The following RGS4 variants were observed in gnomAD, a reference collection of about 807,000 sequenced individuals.
The protein encoded by RGS4 is schizophrenia disorder 9.
A neutral mutation model predicts 21.6 loss-of-function variants in RGS4; 15 were observed. That is an observed-to-expected ratio of 0.69 (90% CI 0.46 to 1.07). RGS4 has a LOEUF of 1.07. RGS4 is among the 50% of genes least tolerant of loss of function. RGS4 has a pLI of 0.00. For synonymous variants in RGS4, 94 were observed against 85.5 expected, an observed-to-expected ratio of 1.10 and a Z score of -0.55; for missense variants, 237 against 239.0, an observed-to-expected ratio of 0.99 and a Z score of 0.06.
At chr1:163,069,357 C>A (rs1466419848), upstream of RGS4, 2 of 1,558,592 alleles carry the variant, frequency 1.3e-6, no homozygotes, top group Admixed American at 1.9e-5. Context: ...ACAGGCTTAG[C>A]AGGAAGACGC....
rs942224333 is a variant in RGS4 at position 163,075,747 on chromosome 1, A to G, written c.*1187A>G. 6.6e-5 allele frequency: 10 copies of G among 152,042 alleles called. No homozygotes were observed. The highest frequency in any genetic ancestry group is 2.4e-4 in the African/African-American group (10 of 41,400). 9.4% of individuals were successfully genotyped at this position (152,042 alleles called of 1,614,324 possible). A position where few individuals can be genotyped will look rare whatever the true frequency, so the allele number is the denominator to read the frequency against. ...TGTGGTTGGTTGTTTTTTCTTTATA[A>G]TGGCTCTGGGCTATATGCCTATATT... On this transcript the variant is annotated 3_prime_UTR_variant, in exon 5 of 5. Coordinates refer to ENST00000367909, the MANE Select transcript of RGS4 (RefSeq NM_005613.6).
At position 163,074,478 on chromosome 1, in the gene RGS4, A is replaced by G. The variant is rs199931864; in HGVS notation, c.536A>G (p.Asn179Ser). The G allele has an allele frequency of 5.6e-6, 9 of 1,613,850 alleles. No homozygotes were observed. The Admixed American group carries it at 6.7e-5, about 12-fold the overall frequency. The stretch of plus-strand genomic sequence containing the variant: ...TCTCGATTCTATCTTGATTTGGTCA[A>G]CCCGTCCAGCTGTGGGGCAGAAAAG... Reference protein sequence around the residue: ...LKSRFYLDLVNPSSCGAEKQK... With the variant: ...LKSRFYLDLVSPSSCGAEKQK... The change falls in exon 5 of 5, where the codon AAC (asparagine) becomes AGC (serine). Residue 179 changes from asparagine (N) to serine (S), a missense_variant. Asn to Ser is a conservative substitution (Grantham distance 46). Coordinates refer to ENST00000367909, the MANE Select transcript of RGS4 (RefSeq NM_005613.6).
rs1199107531 is a variant in RGS4 at position 163,072,806 on chromosome 1, G to A, written c.151G>A (p.Val51Met). 2 of 1,612,370 alleles carry A rather than the reference G, an allele frequency of 1.2e-6. No homozygotes were observed. Residue 51 changes from valine to methionine, a missense_variant and splice_region_variant, in exon 3 of 5, where the codon GTG becomes ATG. Physicochemically the swap from Val to Met is conservative, Grantham distance 21. Transcript: ENST00000367909. ...TCTGTTTCTCTCTATTTTTTCTAGA[G>A]TGAGCCAAGAGGAAGTCAAGAAATG... ...KKDKVVICQR[V>M]SQEEVKKWAE...
Position 163,074,694 on chromosome 1 carries a change from TGA to T in RGS4, c.*136_*137del. 7.8e-7 allele frequency: 1 copy of T among 1,287,102 alleles called. No individual in the cohort carries two copies. The highest frequency in any genetic ancestry group is 1.4e-5 in the African/African-American group (1 of 69,036). 79.7% of individuals were successfully genotyped at this position (1,287,102 alleles called of 1,614,324 possible). ...TAATATTCATGCTGCCTGCCATGTG[TGA>T]GTCACTTCTACGCATAAACTAGATA... is the stretch of plus-strand genomic sequence containing the variant. On this transcript the variant is annotated 3_prime_UTR_variant, in exon 5 of 5. Transcript: ENST00000367909.
rs1394812722 is a variant in RGS4, at chr1:163,074,493, G to A, written c.551G>A (p.Gly184Glu). 2 of 1,613,868 alleles carry A rather than the reference G, an allele frequency of 1.2e-6. No homozygotes were observed. The highest frequency in any genetic ancestry group is 1.7e-5 in the Admixed American group (1 of 59,980). The change falls in exon 5 of 5, where the codon GGG becomes GAG. Residue 184 changes from glycine to glutamate, a missense_variant. Physicochemically the swap from Gly to Glu is moderately conservative, Grantham distance 98 (BLOSUM62 -2). Coordinates refer to ENST00000367909, the MANE Select transcript of RGS4 (RefSeq NM_005613.6). ...YLDLVNPSSC[G>E]AEKQKGAKSS... Reference sequence around the variant, plus strand: ...GATTTGGTCAACCCGTCCAGCTGTGGGGCAGAAAAGCAGAAAGGAGCCAAG... The same window carrying A: ...GATTTGGTCAACCCGTCCAGCTGTGAGGCAGAAAAGCAGAAAGGAGCCAAG...
chr1:163,076,312 A>G lies in RGS4; in HGVS notation c.*1752A>G, dbSNP rs1308987793. On this transcript the variant is annotated 3_prime_UTR_variant, in exon 5 of 5. Transcript: ENST00000367909. Reference sequence around the variant, plus strand: ...AATGAAGACACCAGAGTGTATGCATACAAATCTCACTGTATTAAAGATGCA... The same window carrying G: ...AATGAAGACACCAGAGTGTATGCATGCAAATCTCACTGTATTAAAGATGCA... 1 of 152,626 alleles carries G rather than the reference A, an allele frequency of 6.6e-6. No homozygotes were observed. The allele number at this position is 152,626 out of a possible 1,614,324, so 9.5% of individuals were successfully genotyped here.
In RGS4 at chr1:163,072,890, T is replaced by G. The variant is rs751330431; in HGVS notation, c.211+24T>G. ...ATGTAAGTCTGACAGCAACCTGGGATGAGGTACTCTGGATAAGACAAGTTA... is the reference window on the plus strand; with the variant it reads ...ATGTAAGTCTGACAGCAACCTGGGAGGAGGTACTCTGGATAAGACAAGTTA... On this transcript the variant is annotated intron_variant, in intron 3 of 4. Transcript: ENST00000367909. The G allele has an allele frequency of 1.5e-5, 24 of 1,594,922 alleles. No individual in the cohort carries two copies. The South Asian group carries it at 2.4e-4, about 16-fold the overall frequency.
chr1:163,074,607 G>A lies in RGS4; in HGVS notation c.*47G>A. 1 of 1,613,630 alleles carries A rather than the reference G, an allele frequency of 6.2e-7. No homozygotes were observed. Among genetic ancestry groups the A allele is most frequent in the Admixed American group, 1.7e-5 (1 of 59,922 alleles). On this transcript the variant is annotated 3_prime_UTR_variant, in exon 5 of 5. Coordinates refer to ENST00000367909, the MANE Select transcript of RGS4 (RefSeq NM_005613.6). ...ATGAAATGCCAAGACTCTATGCTCT[G>A]GAAAACCTGAGGCCAAATATTGATC...
rs558420174 is a variant in RGS4, at chr1:163,069,413, G to T, written c.-72G>T. On this transcript the variant is annotated 5_prime_UTR_variant, in exon 1 of 5. Transcript: ENST00000367909. ...CTTTACCGGAGAAGAGGCAAAGTAC[G>T]CTCAAAGCCGAAGCCACAGCTCCTC... 56 of 1,607,556 alleles carry T rather than the reference G, an allele frequency of 3.5e-5. 1 individual carries two copies. The South Asian group carries it at 4.6e-4, about 13-fold the overall frequency.
In RGS4 at chr1:163,074,506, G is replaced by GA; in HGVS notation, c.567dup (p.Gly190ArgfsTer21). The GA allele has an allele frequency of 6.2e-7, 1 of 1,613,986 alleles. No individual in the cohort carries two copies. The highest frequency in any genetic ancestry group is 8.5e-7 in the Non-Finnish European group (1 of 1,179,900). On this transcript the variant is annotated frameshift_variant, in exon 5 of 5. Transcript: ENST00000367909. LOFTEE classifies it high-confidence loss of function. ...CGTCCAGCTGTGGGGCAGAAAAGCA[G>GA]AAAGGAGCCAAGAGTTCAGCAGACT...
At chr1:163,069,289 T>C (rs766103822), upstream of RGS4, 1 of 1,551,256 alleles carries the variant, frequency 6.4e-7, no homozygotes. Context: ...GAGCTGGTAC[T>C]GCAGAGCGGT....
At position 163,074,995 on chromosome 1, in the gene RGS4, C is replaced by T. The variant is rs1655449775; in HGVS notation, c.*435C>T. ...AGATGAGGTTGAGCTATGATATGTGCTTGTGTGTATGTCTATGTGTATATA... is the reference window on the plus strand; with the variant it reads ...AGATGAGGTTGAGCTATGATATGTGTTTGTGTGTATGTCTATGTGTATATA... On this transcript the variant is annotated 3_prime_UTR_variant, in exon 5 of 5. Coordinates refer to ENST00000367909, the MANE Select transcript of RGS4 (RefSeq NM_005613.6). The T allele has an allele frequency of 2.4e-6, 1 of 415,426 alleles. No homozygotes were observed. The highest frequency in any genetic ancestry group is 4.4e-6 in the Non-Finnish European group (1 of 228,510). 25.7% of individuals were successfully genotyped at this position (415,426 alleles called of 1,614,324 possible).
Position 163,071,917 on chromosome 1 carries a change from T to TAA in RGS4, c.45-478_45-477insAA, listed in dbSNP as rs1655329151. 14 of 944,394 alleles carry TAA rather than the reference T, an allele frequency of 1.5e-5. 1 individual carries two copies. The African/African-American group carries it at 2.7e-4, about 18-fold the overall frequency. 58.5% of individuals were successfully genotyped at this position (944,394 alleles called of 1,614,324 possible). A position where few individuals can be genotyped will look rare whatever the true frequency, so the allele number is the denominator to read the frequency against. On this transcript the variant is annotated intron_variant, in intron 1 of 4. Transcript: ENST00000367909. ...TGAATAGACTTTTACTTTCCCGAGG[T>TAA]GCTTCTACAGTTCCCTCTGCCAGCA... is the stretch of plus-strand genomic sequence containing the variant.
In RGS4 at chr1:163,074,870, C is replaced by T. The variant is rs1655445952; in HGVS notation, c.*310C>T. 1.7e-6 allele frequency: 1 copy of T among 598,018 alleles called. No individual in the cohort carries two copies. Among genetic ancestry groups the T allele is most frequent in the African/African-American group, 1.9e-5 (1 of 53,720 alleles). The allele number at this position is 598,018 out of a possible 1,614,324, so 37.0% of individuals were successfully genotyped here. On this transcript the variant is annotated 3_prime_UTR_variant, in exon 5 of 5. Coordinates refer to ENST00000367909, the MANE Select transcript of RGS4 (RefSeq NM_005613.6). ...AAGATTGTTGGCAGTTTCCTCCTCC[C>T]AACAGTTTTACCTCGGGATGGTTGG...
rs1655484306 is a variant in RGS4, at chr1:163,076,029, T to C, written c.*1469T>C. 6.6e-6 allele frequency: 1 copy of C among 152,622 alleles called. No individual in the cohort carries two copies. The highest frequency in any genetic ancestry group is 2.4e-5 in the African/African-American group (1 of 41,472). 9.5% of individuals were successfully genotyped at this position (152,622 alleles called of 1,614,324 possible). A position where few individuals can be genotyped will look rare whatever the true frequency, so the allele number is the denominator to read the frequency against. ...AACTTTTCAAGGCACATTGAAATAC[T>C]TGAAAACTTCTCATTTATGTTATTT... On this transcript the variant is annotated 3_prime_UTR_variant, in exon 5 of 5. Coordinates refer to ENST00000367909, the MANE Select transcript of RGS4 (RefSeq NM_005613.6).
At chr1:163,072,242 T>C in intron 1 of RGS4, 153 bp from the exon 2 acceptor site, 1 of 857,862 alleles carries the variant, frequency 1.2e-6, no homozygotes, top group East Asian at 2.9e-5. Context: ...AGAGGAATCT[T>C]GTTTTCCTCA....
upstream of RGS4, chr1:163,069,154 T>C: frequency 6.7e-7 from 1 of 1,497,286 alleles, no homozygotes; most frequent in Non-Finnish European, 8.9e-7. Flanking sequence ...AGACATTGAG[T>C]ACATTTTTTC....
At chr1:163,072,075 T>C in intron 1 of RGS4, 10 of 1,043,302 alleles carry the variant, frequency 9.6e-6, no homozygotes, top group Non-Finnish European at 1.0e-5. Flanking sequence ...ATTCAGGTTC[T>C]GTTGAAGATA....
Position 163,072,313 on chromosome 1 carries a change from G to A in RGS4, c.45-82G>A, listed in dbSNP as rs1655345347. 15 of 1,103,962 alleles carry A rather than the reference G, an allele frequency of 1.4e-5. No individual in the cohort carries two copies. The South Asian group carries it at 1.7e-4, about 13-fold the overall frequency. The allele number at this position is 1,103,962 out of a possible 1,614,324, so 68.4% of individuals were successfully genotyped here. ...TGTCTCTGAGCCATAGACTAGTAAT[G>A]GACTCTTCAAGCTCTACCATTAGGT... On this transcript the variant is annotated intron_variant, in intron 1 of 4. Coordinates refer to ENST00000367909, the MANE Select transcript of RGS4 (RefSeq NM_005613.6).
Sources: gnomAD v4.1 joint callset for allele counts on GRCh38, gnomAD v4.1.1 for gene constraint, MANE v1.5 for transcripts, NCBI Gene and HGNC (gene_info 2026-07-23, HGNC 2026-07-21) for gene names.